Variants in STIM1 observed in about 807,000 individuals in gnomAD.
STIM1 encodes stromal interaction molecule 1.
STIM1 carries 25 observed loss-of-function variants against 74.7 expected under a neutral mutation model. The observed-to-expected ratio is 0.33, with a 90% CI of 0.24 to 0.47. STIM1 has a LOEUF of 0.47. STIM1 is among the 20% of genes least tolerant of loss of function. The probability of loss-of-function intolerance (pLI) is 1.00; values close to 1 mark genes in which losing one functional copy is unlikely to be tolerated. For missense variants in STIM1, 728 were observed against 920.8 expected, an observed-to-expected ratio of 0.79 and a Z score of 2.71; for synonymous variants, 328 against 348.8, an observed-to-expected ratio of 0.94 and a Z score of 0.66.
chr11:3,932,623 C>T (rs1030422905), intron 1 of STIM1, among the ~76,000 whole-genome samples: 2 of 146,180 alleles, frequency 1.4e-5, no homozygotes, highest in Non-Finnish European at 3.0e-5. Context: ...GATCGCTCCA[C>T]TGCACTCCAG....
At chr11:3,941,669 TATATAGAGAG>T (rs1435799482) in intron 1 of STIM1, among the ~76,000 whole-genome samples, 1 of 86,386 alleles carries the variant, frequency 1.2e-5, no homozygotes. Flanking sequence ...TATATATATA[TATATAGAGAG>T]AGAGAGAGAG....
intron 1 of STIM1, among the ~76,000 whole-genome samples, chr11:3,962,510 T>C (rs771342732): frequency 6.6e-6 from 1 of 152,058 alleles, no homozygotes; most frequent in Admixed American, 6.6e-5. Context: ...CAGTCATCCA[T>C]TGATGGACAC....
intron 1 of STIM1, among the ~76,000 whole-genome samples, chr11:3,890,586 T>G (rs1319869937): frequency 6.6e-6 from 1 of 152,126 alleles, no homozygotes; most frequent in African/African-American, 2.4e-5. Context: ...CACACGCCTG[T>G]AATCCCAGCT....
At chr11:3,872,810 C>T (rs1391583411) in intron 1 of STIM1, among the ~76,000 whole-genome samples, 4 of 152,134 alleles carry the variant, frequency 2.6e-5, no homozygotes, top group South Asian at 4.2e-4. Flanking sequence ...CGTGAGCCAC[C>T]GTGTCTGGCT....
intron 1 of STIM1, chr11:3,887,951 CAG>C (rs2091772423): frequency 7.3e-6 from 1 of 136,088 alleles, no homozygotes. Flanking sequence ...GCCTGGGTGA[CAG>C]AGTGAGACTC....
chr11:3,966,339 A>G (rs966259380), intron 1 of STIM1, among the ~76,000 whole-genome samples: 3 of 152,226 alleles, frequency 2.0e-5, no homozygotes, highest in Non-Finnish European at 4.4e-5. Context: ...TATTTTGAAA[A>G]GGATTTGAAT....
At chr11:4,059,053 T>G in intron 4 of STIM1, 1 of 897,390 alleles carries the variant, frequency 1.1e-6, no homozygotes, top group Non-Finnish European at 1.6e-6. Flanking sequence ...GATAGGGTGC[T>G]TAGAAGTTGG....
intron 2 of STIM1, among the ~76,000 whole-genome samples, chr11:4,008,276 G>A (rs2093802316): frequency 1.3e-5 from 2 of 152,122 alleles, no homozygotes; most frequent in African/African-American, 2.4e-5. Context: ...TAACCTAGGT[G>A]TGTAGTAGGC....
intron 1 of STIM1, among the ~76,000 whole-genome samples, chr11:3,866,135 C>G (rs895738505): frequency 2.0e-5 from 3 of 152,148 alleles, no homozygotes; most frequent in East Asian, 1.9e-4. Flanking sequence ...CTCTGTTCCC[C>G]TTGCTGCATT....
rs117110309 is a variant in STIM1 at position 3,978,695 on chromosome 11, G to A, written c.270+11013G>A. Among the ~76,000 whole-genome samples the A allele has an allele frequency of 8.9e-4, 135 of 152,062 alleles. 1 individual carries two copies. In the East Asian group the frequency reaches 0.022, roughly 24 times the overall value. ...AGAATCACCTGAACCCCAGGGAGGC[G>A]GAGGTTGCAGTGAGCCGGGATTGTG... is the stretch of plus-strand genomic sequence containing the variant. On this transcript the variant is annotated intron_variant, in intron 2 of 12. Transcript: ENST00000526596.
At chr11:4,034,661 G>GT (rs1240939589) in intron 3 of STIM1, among the ~76,000 whole-genome samples, 2 of 152,150 alleles carry the variant, frequency 1.3e-5, no homozygotes, top group South Asian at 2.1e-4. Context: ...TATTCCTCAA[G>GT]TTTTTTTGAA....
At chr11:3,857,754 G>A (rs567458035) in intron 1 of STIM1, among the ~76,000 whole-genome samples, 3 of 152,262 alleles carry the variant, frequency 2.0e-5, no homozygotes, top group African/African-American at 7.2e-5. Context: ...CATGGTGGCT[G>A]GGGAGTTTCA....
intron 2 of STIM1, among the ~76,000 whole-genome samples, chr11:4,007,764 A>G (rs185433745): frequency 2.8e-4 from 43 of 152,306 alleles, no homozygotes; most frequent in African/African-American, 9.4e-4. Context: ...GTGCCCCTGA[A>G]GGGTCAGAGG....
intron 3 of STIM1, among the ~76,000 whole-genome samples, chr11:4,036,033 T>C (rs923101627): frequency 6.6e-6 from 1 of 152,124 alleles, no homozygotes; most frequent in African/African-American, 2.4e-5. Context: ...CCCCTGACAA[T>C]GTATGTTGTT....
At chr11:3,869,435 T>C (rs2090995152) in intron 1 of STIM1, among the ~76,000 whole-genome samples, 1 of 152,230 alleles carries the variant, frequency 6.6e-6, no homozygotes, top group Admixed American at 6.5e-5. Flanking sequence ...TCTTCTCTGC[T>C]GAGGGAGATC....
chr11:3,862,880 GCACACA>G (rs58778371), intron 1 of STIM1, among the ~76,000 whole-genome samples: 9 of 146,132 alleles, frequency 6.2e-5, no homozygotes, highest in African/African-American at 1.5e-4. Context: ...ACACACACAC[GCACACA>G]CACACACACA....
chr11:3,990,837 G>A (rs2093603533), intron 2 of STIM1, among the ~76,000 whole-genome samples: 1 of 151,652 alleles, frequency 6.6e-6, no homozygotes. Flanking sequence ...TATATTCACG[G>A]GGTACATGTG....
intron 3 of STIM1, among the ~76,000 whole-genome samples, chr11:4,035,281 TC>T (rs2094089245): frequency 6.6e-6 from 1 of 151,220 alleles, no homozygotes. Flanking sequence ...TTTTTTTTTT[TC>T]CTCTTTTCCA....
intron 3 of STIM1, among the ~76,000 whole-genome samples, chr11:4,038,447 G>A (rs2094121667): frequency 6.6e-6 from 1 of 151,956 alleles, no homozygotes; most frequent in Admixed American, 6.6e-5. Flanking sequence ...TTCCAGTAGT[G>A]TATTTTCATT....
Sources: allele counts gnomAD v4.1 joint callset (sites outside exome capture counted in the v4.1 genomes callset), GRCh38; gene constraint gnomAD v4.1.1; transcripts MANE v1.5; gene names NCBI Gene and HGNC (gene_info 2026-07-23, HGNC 2026-07-21).